Variants in HIPK3 observed in about 807,000 individuals in gnomAD.
The protein encoded by HIPK3 is homeodomain-interacting protein kinase 3.
Under a neutral mutation model 124.2 loss-of-function variants are expected in HIPK3, and 47 were observed. The ratio of observed to expected loss-of-function variants is 0.38; its 90% confidence interval spans 0.30 to 0.48. The LOEUF (loss-of-function observed/expected upper bound fraction) is 0.48, where lower values mean the gene tolerates loss of function less well. Ranked by LOEUF, HIPK3 falls within the 20% of genes least tolerant of loss-of-function variation. The pLI, the probability that HIPK3 is intolerant of heterozygous loss-of-function variation, is 0.98. For synonymous variants in HIPK3, 482 were observed against 515.2 expected (o/e 0.94, Z 0.87); for missense variants, 1,286 against 1,454.3 (o/e 0.88, Z 1.88).
chr11:33,307,013 G>T (rs1300889870), intron 2 of HIPK3, among the ~76,000 whole-genome samples: 1 of 148,548 alleles, frequency 6.7e-6, no homozygotes, highest in Admixed American at 6.8e-5. Flanking sequence ...AACTCAGCTC[G>T]CTGCAACCTT....
intron 8 of HIPK3, among the ~76,000 whole-genome samples, chr11:33,344,122 A>G (rs1267609443): frequency 2.0e-5 from 3 of 152,226 alleles, no homozygotes; most frequent in African/African-American, 7.2e-5. Context: ...TATTTGCATT[A>G]TCAATCTACC....
rs1263780667 is a variant in HIPK3, at chr11:33,347,320, C to T, written c.1925C>T (p.Thr642Ile). ...ATTCCTGCAACACATGGTAAACCCACCAGTTATTCAATAAGGGTAGATAAT... is the reference window on the plus strand; with the variant it reads ...ATTCCTGCAACACATGGTAAACCCATCAGTTATTCAATAAGGGTAGATAAT... ...QGIPATHGKP[T>I]SYSIRVDNTV... Residue 642 changes from threonine to isoleucine, a missense_variant, in exon 9 of 17, where the codon ACC becomes ATC. Thr to Ile is a moderately conservative substitution (Grantham distance 89, BLOSUM62 -1). This residue lies in a region of HIPK3 where 810 missense variants were observed against 864.9 expected (regional missense o/e 0.94). Transcript: ENST00000303296. 1 of 1,613,480 alleles carries T rather than the reference C, an allele frequency of 6.2e-7. No homozygotes were observed. Among genetic ancestry groups the T allele is most frequent in the Admixed American group, 1.7e-5 (1 of 60,010 alleles).
intron 1 of HIPK3, among the ~76,000 whole-genome samples, chr11:33,276,608 G>A (rs1851277083): frequency 6.6e-6 from 1 of 152,046 alleles, no homozygotes; most frequent in Non-Finnish European, 1.5e-5. Flanking sequence ...TTACCAAATT[G>A]GTATGGTTAC....
chr11:33,341,194 T>G (rs1457105428), intron 7 of HIPK3, 67 bp downstream of exon 7: 3 of 1,152,798 alleles, frequency 2.6e-6, no homozygotes, highest in Non-Finnish European at 3.7e-6. Context: ...ACTTTTGATA[T>G]ATACAGAAGT....
Position 33,353,445 on chromosome 11 carries a change from C to T in HIPK3, c.3525C>T (p.Ser1175=). The T allele has an allele frequency of 5.0e-6, 8 of 1,613,814 alleles. No homozygotes were observed. Among genetic ancestry groups the T allele is most frequent in the Admixed American group, 1.7e-5 (1 of 60,016 alleles). The change falls in exon 17 of 17, where the codon TCC becomes TCT. Residue 1175 remains serine, a synonymous_variant. Coordinates refer to ENST00000303296, the MANE Select transcript of HIPK3 (RefSeq NM_005734.5). ...PVGLNPRLLP[S]PTIHQTQYKP... ...GCTTAAATCCCCGTCTGTTACCATCCCCAACCATTCATCAGACTCAGTACA... is the reference window on the plus strand; with the variant it reads ...GCTTAAATCCCCGTCTGTTACCATCTCCAACCATTCATCAGACTCAGTACA...
intron 2 of HIPK3, among the ~76,000 whole-genome samples, chr11:33,322,529 C>T (rs912968855): frequency 6.6e-6 from 1 of 152,060 alleles, no homozygotes; most frequent in East Asian, 1.9e-4. Context: ...ATCAATAGTT[C>T]CTTTAAAAAC....
chr11:33,332,637 G>A (rs148507381), intron 3 of HIPK3, among the ~76,000 whole-genome samples: 2 of 152,270 alleles, frequency 1.3e-5, no homozygotes, highest in East Asian at 3.9e-4. Context: ...CAAGTCTTAT[G>A]TAAGAAAAAT....
Position 33,347,394 on chromosome 11 carries a change from C to G in HIPK3, c.1999C>G (p.Arg667Gly). The change falls in exon 9 of 17, where the codon CGA (arginine) becomes GGA (glycine). Residue 667 changes from arginine (R) to glycine (G), a missense_variant. By Grantham distance (125) the Arg-to-Gly change is moderately radical. Around this residue, in one of 3 missense-constraint regions of HIPK3, gnomAD observed 810 missense variants for 864.9 expected, o/e 0.94. Coordinates refer to ENST00000303296, the MANE Select transcript of HIPK3 (RefSeq NM_005734.5). Reference sequence around the variant, plus strand: ...CCCAGCTGTGCAGCCACTACAGATCCGACCAGGAGTTCTTTCTCAGGTTGG... The same window carrying G: ...CCCAGCTGTGCAGCCACTACAGATCGGACCAGGAGTTCTTTCTCAGGTTGG... ...QAPAVQPLQI[R>G]PGVLSQTWSG... 1.2e-6 allele frequency: 2 copies of G among 1,613,936 alleles called. No individual in the cohort carries two copies. Among genetic ancestry groups the G allele is most frequent in the South Asian group, 1.1e-5 (1 of 91,044 alleles).
intron 2 of HIPK3, among the ~76,000 whole-genome samples, chr11:33,312,600 A>T (rs1852382757): frequency 6.6e-6 from 1 of 152,198 alleles, no homozygotes; most frequent in East Asian, 1.9e-4. Flanking sequence ...ACAGTTTCTG[A>T]TCTTTCCAGT....
intron 1 of HIPK3, among the ~76,000 whole-genome samples, chr11:33,273,425 C>T (rs1054196241): frequency 7.5e-5 from 10 of 132,966 alleles, no homozygotes; most frequent in African/African-American, 2.5e-4. Context: ...AGGAGAATGG[C>T]GTGAACCTGG....
At position 33,286,984 on chromosome 11, in the gene HIPK3, A is replaced by T. The variant is rs201202256; in HGVS notation, c.570A>T (p.Leu190Phe). ...GDYQLVQHEV[L>F]CSMKNTYEVL... ...ATCAGTTAGTACAGCATGAAGTCTTATGCTCCATGAAAAATACTTACGAAG... is the reference window on the plus strand; with the variant it reads ...ATCAGTTAGTACAGCATGAAGTCTTTTGCTCCATGAAAAATACTTACGAAG... The change falls in exon 2 of 17, where the codon TTA (leucine) becomes TTT (phenylalanine). Residue 190 changes from leucine to phenylalanine, a missense_variant. Physicochemically the swap from Leu to Phe is conservative, Grantham distance 22 (BLOSUM62 0). This residue lies in a region of HIPK3 where 225 missense variants were observed against 240.3 expected (regional missense o/e 0.94). Coordinates refer to ENST00000303296, the MANE Select transcript of HIPK3 (RefSeq NM_005734.5). The T allele has an allele frequency of 6.2e-7, 1 of 1,614,074 alleles. No homozygotes were observed. Among genetic ancestry groups the T allele is most frequent in the Admixed American group, 1.7e-5 (1 of 60,006 alleles).
intron 4 of HIPK3, among the ~76,000 whole-genome samples, chr11:33,337,914 C>T (rs190865660): frequency 2.0e-4 from 31 of 152,256 alleles, no homozygotes; most frequent in Admixed American, 3.9e-4. Flanking sequence ...CCTTGTGATC[C>T]GCCTGCCTTG....
chr11:33,308,516 A>G (rs957101618), intron 2 of HIPK3, among the ~76,000 whole-genome samples: 1 of 152,094 alleles, frequency 6.6e-6, no homozygotes, highest in African/African-American at 2.4e-5. Flanking sequence ...AAAATTGGCT[A>G]CTTTGATAGC....
At chr11:33,284,960 A>G (rs1851509679) in intron 1 of HIPK3, among the ~76,000 whole-genome samples, 1 of 152,130 alleles carries the variant, frequency 6.6e-6, no homozygotes, top group Admixed American at 6.5e-5. Context: ...TTATGTGTGT[A>G]TATGTTTTGA....
chr11:33,309,697 T>C (rs534027862), intron 2 of HIPK3, among the ~76,000 whole-genome samples: 5 of 152,360 alleles, frequency 3.3e-5, no homozygotes, highest in Admixed American at 2.6e-4. Flanking sequence ...TTTTGCGACA[T>C]TTGCTTTATC....
chr11:33,315,964 T>C (rs1437167824), intron 2 of HIPK3, among the ~76,000 whole-genome samples: 1 of 152,220 alleles, frequency 6.6e-6, no homozygotes, highest in East Asian at 1.9e-4. Flanking sequence ...ATTTTTAGTC[T>C]AAGACACAAA....
intron 1 of HIPK3, among the ~76,000 whole-genome samples, chr11:33,279,256 A>G (rs1234739418): frequency 6.8e-6 from 1 of 147,376 alleles, no homozygotes; most frequent in Non-Finnish European, 1.5e-5. Flanking sequence ...CGGAGGTTGC[A>G]GTGAGCTGTG....
At position 33,308,830 on chromosome 11, in the gene HIPK3, A is replaced by G. The variant is rs542699603; in HGVS notation, c.1098-19680A>G. Reference sequence around the variant, plus strand: ...ATAAGACTTTAAAAATGATCTGTATATTTCTGATGTTTTCCCTCCCCTCAA... The same window carrying G: ...ATAAGACTTTAAAAATGATCTGTATGTTTCTGATGTTTTCCCTCCCCTCAA... On this transcript the variant is annotated intron_variant, in intron 2 of 16. Transcript: ENST00000303296. 1.0e-4 allele frequency among the ~76,000 whole-genome samples: 15 copies of G among 147,364 alleles called. No homozygotes were observed. The East Asian group carries it at 2.4e-3, about 23-fold the overall frequency.
intron 1 of HIPK3, among the ~76,000 whole-genome samples, chr11:33,270,521 AAAAG>A (rs1246931746): frequency 5.3e-5 from 8 of 152,236 alleles, no homozygotes; most frequent in Admixed American, 2.6e-4. Context: ...TAAGATATTA[AAAAG>A]AAAGAATGTG....
Sources: allele counts gnomAD v4.1 joint callset (sites outside exome capture counted in the v4.1 genomes callset), GRCh38; gene constraint gnomAD v4.1.1; regional missense constraint gnomAD v4.1.1; transcripts MANE v1.5; gene names NCBI Gene and HGNC (gene_info 2026-07-23, HGNC 2026-07-21).